The following CHST12 variants were observed in gnomAD, a reference collection of about 807,000 sequenced individuals.
CHST12 encodes carbohydrate sulfotransferase 12, also known as carbohydrate (chondroitin 4) sulfotransferase 12.
A neutral mutation model predicts 27.9 loss-of-function variants in CHST12; 23 were observed. The observed-to-expected ratio is 0.82, with a 90% CI of 0.59 to 1.17. CHST12 has a LOEUF of 1.17. Ranked by LOEUF, CHST12 falls within the 50% of genes most tolerant of loss-of-function variation. The pLI is 0.00. For synonymous variants in CHST12, 322 were observed against 273.0 expected (o/e 1.18, Z -1.77); for missense variants, 682 against 603.0 (o/e 1.13, Z -1.37).
chr7:2,425,463 C>A (rs926743320), intron 1 of CHST12, among the ~76,000 whole-genome samples: 4 of 152,128 alleles, frequency 2.6e-5, no homozygotes, highest in Non-Finnish European at 5.9e-5. Context: ...TGAGATGGCC[C>A]TGCTCAAACA....
At chr7:2,419,867 C>G (rs1053531163) in intron 1 of CHST12, among the ~76,000 whole-genome samples, 3 of 151,812 alleles carry the variant, frequency 2.0e-5, no homozygotes, top group African/African-American at 7.3e-5. Context: ...ACACAAACTC[C>G]CATCCCCCTC....
At position 2,426,061 on chromosome 7, in the gene CHST12, G is replaced by A. The variant is rs143072377; in HGVS notation, c.-77-6502G>A. 5.9e-5 allele frequency among the ~76,000 whole-genome samples: 9 copies of A among 152,238 alleles called. No individual in the cohort carries two copies. In the East Asian group the frequency reaches 1.2e-3, roughly 20 times the overall value. On this transcript the variant is annotated intron_variant, in intron 1 of 1. Coordinates refer to ENST00000618655, the MANE Select transcript of CHST12 (RefSeq NM_018641.5). ...CCTCTTTGGGGGACCTGCATAGTCC[G>A]GGATGGGAGTAGGTAGATGGGCATC... is the stretch of plus-strand genomic sequence containing the variant.
In CHST12 at chr7:2,433,894, C is replaced by G. The variant is rs375240882; in HGVS notation, c.*10C>G. ...CCTCCTCCGAGACTGAAAGCTTTCG[C>G]GTTGCTTTTTCTCGCGTGCCTGGAA... is the stretch of plus-strand genomic sequence containing the variant. On this transcript the variant is annotated 3_prime_UTR_variant, in exon 2 of 2. Coordinates refer to ENST00000618655, the MANE Select transcript of CHST12 (RefSeq NM_018641.5). The surrounding 1 kb of genome is among the most constrained non-coding windows in gnomAD (Gnocchi z 6.1). The G allele has an allele frequency of 3.4e-5, 52 of 1,550,116 alleles. No homozygotes were observed. Among genetic ancestry groups the G allele is most frequent in the Non-Finnish European group, 4.4e-5 (51 of 1,146,152 alleles).
At chr7:2,409,397 T>C (rs1477718241) in intron 1 of CHST12, among the ~76,000 whole-genome samples, 1 of 152,144 alleles carries the variant, frequency 6.6e-6, no homozygotes, top group Non-Finnish European at 1.5e-5. Context: ...GGAGGATTGC[T>C]TGAGTCCAGG....
rs1004899518 is a variant in CHST12, at chr7:2,408,648, C to A, written c.-78+4975C>A. Among the ~76,000 whole-genome samples, 23 of 152,184 alleles carry A rather than the reference C, an allele frequency of 1.5e-4. 1 individual carries two copies. Among genetic ancestry groups the A allele is most frequent in the African/African-American group, 5.5e-4 (23 of 41,446 alleles). On this transcript the variant is annotated intron_variant, in intron 1 of 1. Coordinates refer to ENST00000618655, the MANE Select transcript of CHST12 (RefSeq NM_018641.5). ...AAGGATGCATTTGCAGCCTGGAAGT[C>A]TACACTCAGGCAAGGGAGGGTAGGG...
Position 2,433,358 on chromosome 7 carries a change from A to G in CHST12, c.719A>G (p.Lys240Arg). The change falls in exon 2 of 2, where the codon AAG becomes AGG. Residue 240 changes from lysine to arginine, a missense_variant. Transcript: ENST00000618655. The surrounding 1 kb of genome is among the most constrained non-coding windows in gnomAD (Gnocchi z 6.1). ...AAGGTCAAGCTCAAGAAGTACACCA[A>G]GTTCCTCTTCGTGCGCGACCCCTTC... ...LMKVKLKKYT[K>R]FLFVRDPFVR... 1 of 1,612,010 alleles carries G rather than the reference A, an allele frequency of 6.2e-7. No homozygotes were observed. The highest frequency in any genetic ancestry group is 8.5e-7 in the Non-Finnish European group (1 of 1,179,942).
In CHST12 at chr7:2,432,952, G is replaced by T. The variant is rs61729409; in HGVS notation, c.313G>T (p.Asp105Tyr). 7 of 1,610,772 alleles carry T rather than the reference G, an allele frequency of 4.3e-6. No homozygotes were observed. The highest frequency in any genetic ancestry group is 1.3e-5 in the African/African-American group (1 of 74,876). Residue 105 changes from aspartate (D) to tyrosine (Y), a missense_variant, in exon 2 of 2, where the codon GAC becomes TAC. Coordinates refer to ENST00000618655, the MANE Select transcript of CHST12 (RefSeq NM_018641.5). ...CATGGAGGAGAGCGTGAGAGGCTAC[G>T]ACTGGTCCCCGCGCGACGCCCGGCG... is the stretch of plus-strand genomic sequence containing the variant. Reference protein sequence around the residue: ...GSMEESVRGYDWSPRDARRSP... With the variant: ...GSMEESVRGYYWSPRDARRSP...
chr7:2,438,361 C>T lies in CHST12; in HGVS notation c.*4477C>T, dbSNP rs983725712. 3.9e-5 allele frequency: 6 copies of T among 152,302 alleles called. No homozygotes were observed. Among genetic ancestry groups the T allele is most frequent in the Non-Finnish European group, 8.8e-5 (6 of 68,124 alleles). 9.4% of individuals were successfully genotyped at this position (152,302 alleles called of 1,614,324 possible). ...CTCCCCTCCATGTGTGCTCACCCGC[C>T]TGTATGGAGGCAGCCCAGGGGAGCG... On this transcript the variant is annotated 3_prime_UTR_variant, in exon 2 of 2. Coordinates refer to ENST00000618655, the MANE Select transcript of CHST12 (RefSeq NM_018641.5).
intron 1 of CHST12, among the ~76,000 whole-genome samples, chr7:2,409,644 T>G: frequency 6.7e-6 from 1 of 149,768 alleles, no homozygotes. Context: ...AAAAAAAGAA[T>G]CATGGAGAAG....
chr7:2,414,245 C>A (rs901660276), intron 1 of CHST12, among the ~76,000 whole-genome samples: 7 of 151,950 alleles, frequency 4.6e-5, no homozygotes, highest in Non-Finnish European at 1.0e-4. Flanking sequence ...TTTCTCCCGG[C>A]CTATGGCCTG....
chr7:2,413,208 C>A lies in CHST12; in HGVS notation c.-78+9535C>A, dbSNP rs116962304. On this transcript the variant is annotated intron_variant, in intron 1 of 1. Transcript: ENST00000618655. The stretch of plus-strand genomic sequence containing the variant: ...CAGAGGCCGGACTTGGTCTCAGTAT[C>A]CCTTCCCTCTTCCTCCCAGTCCCTC... 2.0e-4 allele frequency among the ~76,000 whole-genome samples: 31 copies of A among 152,312 alleles called. No individual in the cohort carries two copies. In the East Asian group the frequency reaches 6.0e-3, roughly 29 times the overall value.
At position 2,441,347 on chromosome 7, in the gene CHST12, A is replaced by G. The variant is rs957099143; in HGVS notation, c.*7463A>G. 1.3e-5 allele frequency: 2 copies of G among 152,198 alleles called. No homozygotes were observed. Among genetic ancestry groups the G allele is most frequent in the African/African-American group, 4.8e-5 (2 of 41,456 alleles). The allele number at this position is 152,198 out of a possible 1,614,324, so 9.4% of individuals were successfully genotyped here. ...CTGGGCTGGAGTTCATCTTTTAGGC[A>G]AATTTGGAATAGGAACCTTAAAAAT... On this transcript the variant is annotated 3_prime_UTR_variant, in exon 2 of 2. Transcript: ENST00000618655.
chr7:2,433,212 C>CCGCGGTGCGCCCTACCGCGA lies in CHST12; in HGVS notation c.575_594dup (p.Pro199AlafsTer23). 1 of 1,612,668 alleles carries CCGCGGTGCGCCCTACCGCGA rather than the reference C, an allele frequency of 6.2e-7. No individual in the cohort carries two copies. The highest frequency in any genetic ancestry group is 8.5e-7 in the Non-Finnish European group (1 of 1,179,490). ...TCGTGCTGAGCGGAAGCCTGCTGCACCGCGGTGCGCCCTACCGCGACCCGC... is the reference window on the plus strand; with the variant it reads ...TCGTGCTGAGCGGAAGCCTGCTGCACCGCGGTGCGCCCTACCGCGACGCGGTGCGCCCTACCGCGACCCGC... On this transcript the variant is annotated frameshift_variant, in exon 2 of 2. Coordinates refer to ENST00000618655, the MANE Select transcript of CHST12 (RefSeq NM_018641.5). LOFTEE classifies it high-confidence loss of function. The surrounding 1 kb of genome is among the most constrained non-coding windows in gnomAD (Gnocchi z 6.1).
At chr7:2,408,074 A>G (rs1268790080) in intron 1 of CHST12, among the ~76,000 whole-genome samples, 1 of 152,080 alleles carries the variant, frequency 6.6e-6, no homozygotes, top group Non-Finnish European at 1.5e-5. Flanking sequence ...GAATTTGGAT[A>G]GTGAGAGTTC....
chr7:2,408,745 C>T (rs1781590366), intron 1 of CHST12, among the ~76,000 whole-genome samples: 1 of 152,172 alleles, frequency 6.6e-6, no homozygotes. Context: ...GATGTAGTCT[C>T]CCCAGATGAG....
Position 2,439,316 on chromosome 7 carries a change from A to C in CHST12, c.*5432A>C, listed in dbSNP as rs909978327. ...TTTAGAAACATGTTCTTACTCTGCC[A>C]GGACCCAGGGATAGGTGAGGCTCTC... On this transcript the variant is annotated 3_prime_UTR_variant, in exon 2 of 2. Transcript: ENST00000618655. 8 of 152,194 alleles carry C rather than the reference A, an allele frequency of 5.3e-5. No homozygotes were observed. Among genetic ancestry groups the C allele is most frequent in the Admixed American group, 4.6e-4 (7 of 15,282 alleles). The allele number at this position is 152,194 out of a possible 1,614,324, so 9.4% of individuals were successfully genotyped here. A position where few individuals can be genotyped will look rare whatever the true frequency, so the allele number is the denominator to read the frequency against.
At chr7:2,422,866 CTTT>C (rs576927497) in intron 1 of CHST12, among the ~76,000 whole-genome samples, 9 of 136,858 alleles carry the variant, frequency 6.6e-5, no homozygotes, top group Non-Finnish European at 7.9e-5. Context: ...TTCAGAAAAC[CTTT>C]TTTTTTTTTT....
chr7:2,405,517 T>C (rs1480798809), intron 1 of CHST12, among the ~76,000 whole-genome samples: 1 of 151,874 alleles, frequency 6.6e-6, no homozygotes, highest in Non-Finnish European at 1.5e-5. Flanking sequence ...CCTTTGGTGG[T>C]GGTTTGGGTG....
chr7:2,414,863 TG>T (rs932570408), intron 1 of CHST12, among the ~76,000 whole-genome samples: 1 of 152,242 alleles, frequency 6.6e-6, no homozygotes, highest in Non-Finnish European at 1.5e-5. Context: ...CACCATTTGT[TG>T]AAAAGATTGT....
Sources: gnomAD v4.1 joint callset for allele counts (sites outside exome capture counted in the v4.1 genomes callset) on GRCh38, gnomAD v4.1.1 for gene constraint, Gnocchi (gnomAD v3.1) non-coding constraint, MANE v1.5 for transcripts, NCBI Gene and HGNC (gene_info 2026-07-23, HGNC 2026-07-21) for gene names.